Variants in CSMD3 observed in about 807,000 individuals in gnomAD.
The protein encoded by CSMD3 is CUB and Sushi multiple domains 3, also known as CUB and sushi domain-containing protein 3.
A neutral mutation model predicts 435.2 loss-of-function variants in CSMD3; 177 were observed. The ratio of observed to expected loss-of-function variants is 0.41; its 90% CI spans 0.36 to 0.46. CSMD3 has a LOEUF of 0.46. Ranked by LOEUF, CSMD3 falls within the 20% of genes least tolerant of loss-of-function variation. The probability of loss-of-function intolerance (pLI) is 0.34; values close to 1 mark genes in which losing one functional copy is unlikely to be tolerated. For missense variants in CSMD3, 4,265 were observed against 4,504.6 expected (o/e 0.95, Z 1.52); for synonymous variants, 1,656 against 1,520.5 (o/e 1.09, Z -2.07).
chr8:113,117,678 G>C (rs2090873758), intron 4 of CSMD3, among the ~76,000 whole-genome samples: 1 of 152,222 alleles, frequency 6.6e-6, no homozygotes, highest in South Asian at 2.1e-4. Flanking sequence ...AAGGCAGCCA[G>C]GAGAGGTGTT....
chr8:113,227,186 T>C (rs975640067), intron 3 of CSMD3, among the ~76,000 whole-genome samples: 1 of 151,566 alleles, frequency 6.6e-6, no homozygotes, highest in Non-Finnish European at 1.5e-5. Context: ...AAATAAAAAT[T>C]AGAGAAATAA....
At chr8:112,817,290 TA>T (rs962016835) in intron 12 of CSMD3, among the ~76,000 whole-genome samples, 4 of 152,150 alleles carry the variant, frequency 2.6e-5, no homozygotes, top group African/African-American at 9.6e-5. Flanking sequence ...ATGAAAAGGG[TA>T]GACTAATAAT....
chr8:113,355,770 G>GTGTGT (rs1554618984), intron 1 of CSMD3, among the ~76,000 whole-genome samples: 5 of 10,366 alleles, frequency 4.8e-4, no homozygotes, highest in South Asian at 3.8e-3. Context: ...ACACACACGG[G>GTGTGT]GTGTGTGTGT....
At chr8:112,350,998 G>A (rs888566725) in intron 40 of CSMD3, among the ~76,000 whole-genome samples, 177 bp downstream of exon 40, 2 of 151,848 alleles carry the variant, frequency 1.3e-5, no homozygotes, top group African/African-American at 4.8e-5. Context: ...AAGAAGATGT[G>A]AAATATTTTC....
chr8:112,459,087 T>A (rs925059741), intron 32 of CSMD3, among the ~76,000 whole-genome samples: 4 of 151,988 alleles, frequency 2.6e-5, no homozygotes, highest in Non-Finnish European at 5.9e-5. Context: ...AACCACTCTC[T>A]CCCTGCCACA....
intron 32 of CSMD3, among the ~76,000 whole-genome samples, chr8:112,433,257 G>A (rs968426309): frequency 4.5e-5 from 2 of 44,882 alleles, no homozygotes; most frequent in South Asian, 1.1e-3. Context: ...AAATAACAAA[G>A]AAATAATACT....
At chr8:113,376,745 T>A (rs372968001) in intron 1 of CSMD3, 1 of 1,613,934 alleles carries the variant, frequency 6.2e-7, no homozygotes, top group African/African-American at 1.3e-5. Flanking sequence ...TACCTGAGGC[T>A]GTCTGTCGGT....
At chr8:112,933,087 T>C (rs1446996419) in intron 9 of CSMD3, among the ~76,000 whole-genome samples, 1 of 152,116 alleles carries the variant, frequency 6.6e-6, no homozygotes, top group African/African-American at 2.4e-5. Flanking sequence ...AAATCGTGGA[T>C]TGGGGAGTTG....
chr8:112,893,291 T>C lies in CSMD3; in HGVS notation c.1633+28336A>G, dbSNP rs536594723. On this transcript the variant is annotated intron_variant, in intron 10 of 70. Transcript: ENST00000297405. ...AGTTAGATTCAATGTACAGCAAAGA[T>C]TGAGAATCAATGACTAGATTAAGTC... is the stretch of plus-strand genomic sequence containing the variant. 5.3e-5 allele frequency among the ~76,000 whole-genome samples: 8 copies of C among 151,560 alleles called. No homozygotes were observed. The East Asian group carries it at 1.6e-3, about 30-fold the overall frequency.
chr8:113,321,588 C>T (rs2132709776), intron 1 of CSMD3, among the ~76,000 whole-genome samples: 1 of 152,134 alleles, frequency 6.6e-6, no homozygotes, highest in Non-Finnish European at 1.5e-5. Context: ...TTTCCTAAGT[C>T]TTTCAAAAAT....
intron 5 of CSMD3, among the ~76,000 whole-genome samples, chr8:113,079,084 A>G (rs1283725592): frequency 6.6e-6 from 1 of 152,204 alleles, no homozygotes; most frequent in East Asian, 1.9e-4. Flanking sequence ...CAGAAAAAAT[A>G]TATTTGAATA....
chr8:112,829,930 C>T, intron 11 of CSMD3, 141 bp from the exon 12 acceptor site: 2 of 591,784 alleles, frequency 3.4e-6, no homozygotes, highest in East Asian at 2.8e-5. Flanking sequence ...CACACACAAG[C>T]AGTTCAATTA....
At chr8:112,420,316 A>G (rs949338727) in intron 32 of CSMD3, among the ~76,000 whole-genome samples, 4 of 152,136 alleles carry the variant, frequency 2.6e-5, no homozygotes, top group Non-Finnish European at 5.9e-5. Context: ...CAACTCCCCA[A>G]CATCATATTC....
At chr8:113,289,560 G>GAGAGAC (rs2093670942) in intron 2 of CSMD3, among the ~76,000 whole-genome samples, 2 of 62,180 alleles carry the variant, frequency 3.2e-5, no homozygotes, top group Admixed American at 2.8e-4. Flanking sequence ...GAGACAGAGA[G>GAGAGAC]AGAGAGAGAG....
intron 22 of CSMD3, among the ~76,000 whole-genome samples, chr8:112,611,613 T>C (rs1833268930): frequency 6.6e-6 from 1 of 152,166 alleles, no homozygotes; most frequent in Admixed American, 6.6e-5. Context: ...TAATAGACTA[T>C]TGGCTTTTTA....
At chr8:113,105,446 C>G (rs1179597694) in intron 4 of CSMD3, among the ~76,000 whole-genome samples, 1 of 152,096 alleles carries the variant, frequency 6.6e-6, no homozygotes, top group Non-Finnish European at 1.5e-5. Context: ...GGAGGAAGCT[C>G]TGCAGAAGAA....
At chr8:112,234,906 A>T (rs763508702) in intron 67 of CSMD3, among the ~76,000 whole-genome samples, 3 of 152,202 alleles carry the variant, frequency 2.0e-5, no homozygotes, top group African/African-American at 7.2e-5. Flanking sequence ...GTGCTGCTTG[A>T]GCCACAAAGA....
chr8:112,681,112 G>T (rs2075883127), intron 16 of CSMD3, among the ~76,000 whole-genome samples: 1 of 150,546 alleles, frequency 6.6e-6, no homozygotes, highest in Non-Finnish European at 1.5e-5. Flanking sequence ...TCAGCTCACT[G>T]CAACCTCTGC....
intron 45 of CSMD3, among the ~76,000 whole-genome samples, chr8:112,325,972 A>G (rs1823468856): frequency 6.6e-6 from 1 of 152,174 alleles, no homozygotes; most frequent in South Asian, 2.1e-4. Context: ...TCTTTCAATA[A>G]GAATAAACCA....
Sources: allele counts gnomAD v4.1 joint callset (sites outside exome capture counted in the v4.1 genomes callset), GRCh38; gene constraint gnomAD v4.1.1; transcripts MANE v1.5; gene names NCBI Gene and HGNC (gene_info 2026-07-23, HGNC 2026-07-21).